The following NCK2 variants were observed in gnomAD, a reference collection of about 807,000 sequenced individuals.
NCK2 encodes the protein cytoplasmic protein NCK2.
In NCK2, 16 loss-of-function variants were observed where a neutral mutation model predicts 33.9. The observed-to-expected ratio is 0.47, with a 90% CI of 0.32 to 0.72. The LOEUF (loss-of-function observed/expected upper bound fraction) is 0.72. Among genes scored for constraint, NCK2 ranks in the 30% least tolerant of loss-of-function variants. The probability of loss-of-function intolerance (pLI) is 0.03; values close to 1 mark genes in which losing one functional copy is unlikely to be tolerated. For missense variants in NCK2, 418 were observed against 537.3 expected, an observed-to-expected ratio of 0.78 and a Z score of 2.19; for synonymous variants, 273 against 239.9, an observed-to-expected ratio of 1.14 and a Z score of -1.27.
At chr2:105,841,750 CACTT>C (rs1018215559) in intron 2 of NCK2, among the ~76,000 whole-genome samples, 1 of 152,182 alleles carries the variant, frequency 6.6e-6, no homozygotes, top group Non-Finnish European at 1.5e-5. Context: ...TACAAAAAGA[CACTT>C]ACATTTGAGG....
intron 3 of NCK2, among the ~76,000 whole-genome samples, chr2:105,870,644 A>G (rs1677961186): frequency 6.6e-6 from 1 of 152,134 alleles, no homozygotes; most frequent in Non-Finnish European, 1.5e-5. Context: ...AATCTCAGCT[A>G]CTTGGGAGAC....
At chr2:105,863,886 C>T (rs368480173) in intron 3 of NCK2, among the ~76,000 whole-genome samples, 33 of 152,034 alleles carry the variant, frequency 2.2e-4, no homozygotes, top group African/African-American at 7.7e-4. Flanking sequence ...TAACGGGATA[C>T]GTGACTGCTT....
At chr2:105,815,744 C>T (rs35812588) in intron 1 of NCK2, among the ~76,000 whole-genome samples, 46,080 of 152,102 alleles carry the variant, frequency 0.3, 7,990 homozygotes, top group South Asian at 0.4. Flanking sequence ...GGCTTCTCAA[C>T]AAATGGCTGG....
intron 1 of NCK2, among the ~76,000 whole-genome samples, chr2:105,808,711 T>C (rs1178207238): frequency 6.6e-6 from 1 of 152,124 alleles, no homozygotes. Flanking sequence ...AAATTGTAAT[T>C]TGTGGACATG....
At chr2:105,845,953 T>C (rs1426193936) in intron 2 of NCK2, among the ~76,000 whole-genome samples, 1 of 152,210 alleles carries the variant, frequency 6.6e-6, no homozygotes, top group African/African-American at 2.4e-5. Context: ...TTCACCATGC[T>C]GTCTTCTGGC....
chr2:105,772,022 G>T (rs1690150666), intron 1 of NCK2, among the ~76,000 whole-genome samples: 3 of 152,180 alleles, frequency 2.0e-5, no homozygotes, highest in African/African-American at 7.2e-5. Context: ...TCAGCTCTGA[G>T]TCTTTGAGAA....
At chr2:105,845,417 A>G (rs1011139808) in intron 2 of NCK2, among the ~76,000 whole-genome samples, 4 of 146,208 alleles carry the variant, frequency 2.7e-5, no homozygotes, top group Non-Finnish European at 4.5e-5. Context: ...TTTTTTTGAG[A>G]TGAATCTTAC....
intron 1 of NCK2, among the ~76,000 whole-genome samples, chr2:105,814,211 C>T (rs1183445719): frequency 6.6e-6 from 1 of 152,184 alleles, no homozygotes; most frequent in Non-Finnish European, 1.5e-5. Context: ...TTCATTTAAA[C>T]CCAGAGAGAG....
At chr2:105,835,392 T>C (rs867335133) in intron 2 of NCK2, among the ~76,000 whole-genome samples, 3 of 69,958 alleles carry the variant, frequency 4.3e-5, no homozygotes, top group Non-Finnish European at 9.3e-5. Flanking sequence ...TATACACATA[T>C]ATATATATAT....
At chr2:105,867,062 C>T (rs1342812647) in intron 3 of NCK2, among the ~76,000 whole-genome samples, 1 of 152,188 alleles carries the variant, frequency 6.6e-6, no homozygotes, top group Non-Finnish European at 1.5e-5. Flanking sequence ...CTCCAAGGAA[C>T]CACTTTTTCC....
chr2:105,885,492 C>T lies in NCK2; in HGVS notation c.948+3443C>T, dbSNP rs185923002. Among the ~76,000 whole-genome samples, 7 of 152,278 alleles carry T rather than the reference C, an allele frequency of 4.6e-5. No individual in the cohort carries two copies. In the East Asian group the frequency reaches 1.2e-3, roughly 25 times the overall value. On this transcript the variant is annotated intron_variant, in intron 4 of 4. Transcript: ENST00000233154. ...TAACTTTTACCCAAAACTCTATTTT[C>T]AGGCAATTTCATCATTCCATTTCTC...
intron 2 of NCK2, 145 bp from the exon 3 acceptor site, chr2:105,854,877 CTAAAGCTTGTTGAAAGAAGGTCATTT>C: frequency 1.8e-6 from 1 of 570,572 alleles, no homozygotes; most frequent in Admixed American, 3.1e-5. Flanking sequence ...AAACCAAATA[CTAAAGCTTGTTGAAAGAAGGTCATTT>C]TAAAGTTGAG....
At chr2:105,839,838 C>T (rs968961208) in intron 2 of NCK2, among the ~76,000 whole-genome samples, 1 of 152,134 alleles carries the variant, frequency 6.6e-6, no homozygotes, top group Non-Finnish European at 1.5e-5. Flanking sequence ...ATCTTTAGTT[C>T]AGAAGCACAA....
At position 105,881,925 on chromosome 2, in the gene NCK2, C is replaced by A; in HGVS notation, c.824C>A (p.Ser275Ter). Residue 275 changes from serine (S) to a stop codon, truncating the protein, a stop_gained, in exon 4 of 5, where the codon TCG (serine) becomes TAG (stop). Transcript: ENST00000233154. LOFTEE classifies it high-confidence loss of function. The stretch of plus-strand genomic sequence containing the variant: ...CCACAGATAAGCTACACCGGGCCCT[C>A]GTCCAGCGGGCGCTTCGCGGGCAGA... ...HAPQISYTGPSSSGRFAGREW... is the reference protein window; with the variant it reads ...HAPQISYTGP 1 of 1,562,574 alleles carries A rather than the reference C, an allele frequency of 6.4e-7. No homozygotes were observed. Among genetic ancestry groups the A allele is most frequent in the Non-Finnish European group, 8.7e-7 (1 of 1,155,386 alleles).
intron 2 of NCK2, among the ~76,000 whole-genome samples, chr2:105,841,806 G>A (rs945348036): frequency 2.6e-5 from 4 of 152,138 alleles, no homozygotes; most frequent in African/African-American, 4.8e-5. Context: ...TGTTTTATAC[G>A]GTATCATAGA....
intron 1 of NCK2, among the ~76,000 whole-genome samples, chr2:105,791,649 A>G (rs990156907): frequency 3.9e-5 from 6 of 152,214 alleles, no homozygotes; most frequent in Non-Finnish European, 8.8e-5. Flanking sequence ...AGATCTGATC[A>G]TAGTGACCTC....
chr2:105,810,462 T>G (rs1675251391), intron 1 of NCK2, among the ~76,000 whole-genome samples: 1 of 152,210 alleles, frequency 6.6e-6, no homozygotes, highest in Admixed American at 6.5e-5. Flanking sequence ...TTTGCACAGT[T>G]TTTATTCAGT....
chr2:105,847,375 A>G (rs796384396), intron 2 of NCK2: 4 of 152,334 alleles, frequency 2.6e-5, no homozygotes, highest in African/African-American at 9.6e-5. Context: ...ATTTTATCAC[A>G]ACTTTGTAGA....
intron 1 of NCK2, among the ~76,000 whole-genome samples, chr2:105,782,811 A>C (rs1223536198): frequency 6.6e-6 from 1 of 152,236 alleles, no homozygotes; most frequent in Non-Finnish European, 1.5e-5. Flanking sequence ...TGGCAGCCAC[A>C]GCACCTGCCT....
Sources: allele counts gnomAD v4.1 joint callset (sites outside exome capture counted in the v4.1 genomes callset), GRCh38; gene constraint gnomAD v4.1.1; transcripts MANE v1.5; gene names NCBI Gene and HGNC (gene_info 2026-07-23, HGNC 2026-07-21).